The following KIF12 variants were observed in gnomAD, a reference collection of about 807,000 sequenced individuals.
KIF12 encodes the protein kinesin-like protein KIF12.
Under a neutral mutation model 87.9 loss-of-function variants are expected in KIF12, and 80 were observed. The observed-to-expected ratio is 0.91, with a 90% CI of 0.76 to 1.10. The LOEUF (loss-of-function observed/expected upper bound fraction) is 1.10. Among genes scored for constraint, KIF12 ranks in the 50% least tolerant of loss-of-function variants. The probability of loss-of-function intolerance (pLI) is 0.00; values close to 1 mark genes in which losing one functional copy is unlikely to be tolerated. For missense variants in KIF12, 819 were observed against 865.3 expected (o/e 0.95, Z 0.67); for synonymous variants, 353 against 348.5 (o/e 1.01, Z -0.14).
chr9:114,093,834 C>T (rs912129907), intron 14 of KIF12, 52 bp downstream of exon 14: 1 of 1,492,740 alleles, frequency 6.7e-7, no homozygotes, highest in Non-Finnish European at 9.3e-7. Flanking sequence ...CATCCCTTTT[C>T]CCAGCTGCCC....
At chr9:114,094,035 T>A in intron 13 of KIF12, 63 bp from the exon 14 acceptor site, 7 of 1,480,326 alleles carry the variant, frequency 4.7e-6, no homozygotes, top group Non-Finnish European at 6.6e-6. Flanking sequence ...ATCAGTCAGC[T>A]CCTCCTCATT....
intron 14 of KIF12, 46 bp downstream of exon 14, chr9:114,093,840 T>C (rs752364820): frequency 6.6e-7 from 1 of 1,513,358 alleles, no homozygotes; most frequent in Non-Finnish European, 9.2e-7. Flanking sequence ...TTTTCCCAGC[T>C]GCCCTCTGTC....
In KIF12 at chr9:114,096,084, C is replaced by A. The variant is rs1847215979; in HGVS notation, c.862G>T (p.Ala288Ser). Residue 288 changes from alanine (A) to serine (S), a missense_variant, in exon 9 of 19, where the codon GCT becomes TCT. Physicochemically the swap from Ala to Ser is moderately conservative, Grantham distance 99. Transcript: ENST00000640217. ...AGCAGGCTTCGGTTGATGCTGTTAG[C>A]CTCAAGCATCAGCTCCCCACGGGAT... ...TGSRGELMLEANSINRSLLAL... is the reference protein window; with the variant it reads ...TGSRGELMLESNSINRSLLAL... The A allele has an allele frequency of 1.2e-6, 2 of 1,613,492 alleles. No individual in the cohort carries two copies. The highest frequency in any genetic ancestry group is 3.3e-5 in the Admixed American group (2 of 59,986).
intron 7 of KIF12, 56 bp downstream of exon 7, chr9:114,097,245 G>A: frequency 6.3e-7 from 1 of 1,578,480 alleles, no homozygotes; most frequent in Non-Finnish European, 8.6e-7. Context: ...CACACTCAGT[G>A]AACAACTGAG....
chr9:114,096,478 C>T lies in KIF12; in HGVS notation c.647G>A (p.Gly216Asp). 6.2e-7 allele frequency: 1 copy of T among 1,606,962 alleles called. No individual in the cohort carries two copies. ...LEALMELLQT[G>D]LSRRRNSAHT... is the part of the protein sequence containing the mutation. Reference sequence around the variant, plus strand: ...GGCTGAGTTCCTTCGACGGCTGAGACCTGGAAGGGAAAAACATCAGGAGCT... The same window carrying T: ...GGCTGAGTTCCTTCGACGGCTGAGATCTGGAAGGGAAAAACATCAGGAGCT... The change falls in exon 8 of 19, where the codon GGT (glycine) becomes GAT (aspartate). Residue 216 changes from glycine to aspartate, a missense_variant and splice_region_variant. Transcript: ENST00000640217.
rs769684156 is a variant in KIF12, at chr9:114,093,396, G to A, written c.1491+11C>T. On this transcript the variant is annotated intron_variant, in intron 15 of 18. Coordinates refer to ENST00000640217, the MANE Select transcript of KIF12 (RefSeq NM_001388308.1). ...ACTTGTCACCCCTCCAGGCTGGGCC[G>A]TGAGACTCACATGGCAAGGGGGAGC... The A allele has an allele frequency of 2.7e-5, 42 of 1,561,006 alleles. No individual in the cohort carries two copies. Among genetic ancestry groups the A allele is most frequent in the Middle Eastern group, 3.3e-4 (2 of 5,984 alleles).
Position 114,095,032 on chromosome 9 carries a change from C to A in KIF12, c.1110G>T (p.Gln370His). 1 of 1,593,660 alleles carries A rather than the reference C, an allele frequency of 6.3e-7. No homozygotes were observed. The highest frequency in any genetic ancestry group is 8.5e-7 in the Non-Finnish European group (1 of 1,169,660). Reference protein sequence around the residue: ...SRAQRVTTRPQAPKSPVAKQP... With the variant: ...SRAQRVTTRPHAPKSPVAKQP... The stretch of plus-strand genomic sequence containing the variant: ...GCCTGCCTATACTCACCTTGGGGGC[C>A]TGTGGTCGGGTGGTGACCCGCTGAG... The change falls in exon 11 of 19, where the codon CAG becomes CAT. Residue 370 changes from glutamine (Q) to histidine (H), a missense_variant. Physicochemically the swap from Gln to His is conservative, Grantham distance 24. Coordinates refer to ENST00000640217, the MANE Select transcript of KIF12 (RefSeq NM_001388308.1).
In KIF12 at chr9:114,093,536, C is replaced by A. The variant is rs201489233; in HGVS notation, c.1401-39G>T. 12 of 1,483,674 alleles carry A rather than the reference C, an allele frequency of 8.1e-6. No homozygotes were observed. In the African/African-American group the frequency reaches 1.4e-4, roughly 17 times the overall value. 91.9% of individuals were successfully genotyped at this position (1,483,674 alleles called of 1,614,324 possible). ...CAGGGTCTATGCCTGCAGCCTCCAA[C>A]CCTACCACCAAGCTGGCTTTCAAAT... On this transcript the variant is annotated intron_variant, in intron 14 of 18. Transcript: ENST00000640217.
chr9:114,098,269 C>A (rs1365095258), intron 4 of KIF12, 33 bp downstream of exon 4: 2 of 1,504,868 alleles, frequency 1.3e-6, no homozygotes, highest in African/African-American at 1.5e-5. Flanking sequence ...CCCCGCCAGG[C>A]CCGGCGCGGA....
chr9:114,099,210 G>A, intron 1 of KIF12, 41 bp from the exon 2 acceptor site: 1 of 1,550,922 alleles, frequency 6.4e-7, no homozygotes, highest in African/African-American at 1.4e-5. Context: ...GCACCTAGCG[G>A]CTGTTCAGGA....
At chr9:114,098,453 CGGG>C in intron 3 of KIF12, 24 bp from the exon 4 acceptor site, 1 of 1,414,420 alleles carries the variant, frequency 7.1e-7, no homozygotes, top group South Asian at 1.3e-5. Flanking sequence ...GGCGGAGGAG[CGGG>C]GCACTCTGGA....
chr9:114,097,866 G>T, intron 5 of KIF12, 125 bp from the exon 6 acceptor site: 2 of 1,161,530 alleles, frequency 1.7e-6, no homozygotes, highest in Non-Finnish European at 2.4e-6. Flanking sequence ...TTAATTCATA[G>T]TCGGTACTGT....
At position 114,091,808 on chromosome 9, in the gene KIF12, T is replaced by C. The variant is rs1353962875; in HGVS notation, c.*53A>G. 1 of 1,513,162 alleles carries C rather than the reference T, an allele frequency of 6.6e-7. No individual in the cohort carries two copies. The highest frequency in any genetic ancestry group is 1.4e-5 in the African/African-American group (1 of 71,648). 93.7% of individuals were successfully genotyped at this position (1,513,162 alleles called of 1,614,324 possible). ...AGATGGGCAGACTGAAGCCCAAGAG[T>C]GTGGAGCCCAGTCTGAGGTCACACA... On this transcript the variant is annotated 3_prime_UTR_variant, in exon 19 of 19. Transcript: ENST00000640217.
rs1475333620 is a variant in KIF12, at chr9:114,093,971, T to C, written c.1315A>G (p.Lys439Glu). 6.2e-7 allele frequency: 1 copy of C among 1,613,690 alleles called. No homozygotes were observed. The highest frequency in any genetic ancestry group is 2.2e-5 in the East Asian group (1 of 44,876). The stretch of plus-strand genomic sequence containing the variant: ...CTATTCTGCAGCTGGCTCTTTTCTT[T>C]CCTAGGGGAGATCACAAGCCAGGAA... The part of the protein sequence containing the change: ...EFMLENERLR[K>E]EKSQLQNSRD... Residue 439 changes from lysine to glutamate, a missense_variant and splice_region_variant, in exon 14 of 19, where the codon AAA (lysine) becomes GAA (glutamate). Transcript: ENST00000640217.
In KIF12 at chr9:114,092,404, G is replaced by A. The variant is rs200839093; in HGVS notation, c.1745C>T (p.Thr582Met). 57 of 1,613,182 alleles carry A rather than the reference G, an allele frequency of 3.5e-5. No homozygotes were observed. In the East Asian group the frequency reaches 4.2e-4, roughly 12 times the overall value. Residue 582 changes from threonine (T) to methionine (M), a missense_variant, in exon 18 of 19, where the codon ACG (threonine) becomes ATG (methionine). Physicochemically the swap from Thr to Met is moderately conservative, Grantham distance 81 (BLOSUM62 -1). Transcript: ENST00000640217. ...TGCAGAAGGTACCACCTCCTCCTCCGTCAACATCTCTGCCAGGACTCGGGT... is the reference window on the plus strand; with the variant it reads ...TGCAGAAGGTACCACCTCCTCCTCCATCAACATCTCTGCCAGGACTCGGGT... ...TQTRVLAEML[T>M]EEEVVPSAPP... is the part of the protein sequence containing the mutation.
Position 114,091,924 on chromosome 9 carries a change from G to A in KIF12, c.1893C>T (p.Gly631=). ...CCTCACTGCAGGGTGGCTGGCTGCG[G>A]CCACGTCGCAGGGAGCTGCCAATCT... ...RDQIGSSLRR[G]RSQPPCSEGA... The change falls in exon 19 of 19, where the codon GGC becomes GGT. Residue 631 remains glycine, a synonymous_variant. Coordinates refer to ENST00000640217, the MANE Select transcript of KIF12 (RefSeq NM_001388308.1). 1 of 1,612,682 alleles carries A rather than the reference G, an allele frequency of 6.2e-7. No homozygotes were observed. The highest frequency in any genetic ancestry group is 1.7e-4 in the Middle Eastern group (1 of 5,858).
intron 3 of KIF12, 24 bp from the exon 4 acceptor site, chr9:114,098,453 C>CGGGGCACTCTGGAGGAGGGG: frequency 7.1e-7 from 1 of 1,414,422 alleles, no homozygotes; most frequent in South Asian, 1.3e-5. Context: ...GGCGGAGGAG[C>CGGGGCACTCTGGAGGAGGGG]GGGGCACTCT....
intron 7 of KIF12, among the ~76,000 whole-genome samples, 180 bp downstream of exon 7, chr9:114,097,121 T>C (rs1847263589): frequency 6.6e-6 from 1 of 152,034 alleles, no homozygotes. Flanking sequence ...GCAGGCCTTG[T>C]TGGCAGTGCG....
At chr9:114,097,819 G>A (rs1273204471) in intron 5 of KIF12, 78 bp from the exon 6 acceptor site, 6 of 1,469,828 alleles carry the variant, frequency 4.1e-6, no homozygotes, top group Non-Finnish European at 5.5e-6. Flanking sequence ...GATACCGTGC[G>A]CCGGGAAACG....
Sources: gnomAD v4.1 joint callset for allele counts (sites outside exome capture counted in the v4.1 genomes callset) on GRCh38, gnomAD v4.1.1 for gene constraint, MANE v1.5 for transcripts, NCBI Gene and HGNC (gene_info 2026-07-23, HGNC 2026-07-21) for gene names.